The following CYP39A1 variants were observed in gnomAD, a reference collection of about 807,000 sequenced individuals.
The protein encoded by CYP39A1 is 24-hydroxycholesterol 7-alpha-hydroxylase.
In CYP39A1, 49 loss-of-function variants were observed where a neutral mutation model predicts 58.1. The observed-to-expected ratio is 0.84, with a 90% CI of 0.67 to 1.07. CYP39A1 has a LOEUF of 1.07. Ranked by LOEUF, CYP39A1 falls within the 50% of genes least tolerant of loss-of-function variation. The pLI is 0.00. For missense variants in CYP39A1, 531 were observed against 539.4 expected (o/e 0.98, Z 0.16); for synonymous variants, 209 against 187.6 (o/e 1.11, Z -0.93).
intron 8 of CYP39A1, among the ~76,000 whole-genome samples, chr6:46,591,823 AT>A (rs1772855325): frequency 1.3e-5 from 2 of 152,240 alleles, no homozygotes; most frequent in African/African-American, 4.8e-5. Flanking sequence ...CTTATCCTAC[AT>A]TAAATTATTA....
In CYP39A1 at chr6:46,608,624, T is replaced by A. The variant is rs565538823; in HGVS notation, c.932-12504A>T. ...TAGGTTTTATTTTATTTATTTATTT[T>A]TTTTTTTGAGACGGAGTCTCACTCT... On this transcript the variant is annotated intron_variant, in intron 7 of 11. Coordinates refer to ENST00000275016, the MANE Select transcript of CYP39A1 (RefSeq NM_016593.5). Among the ~76,000 whole-genome samples the A allele has an allele frequency of 1.2e-3, 189 of 152,246 alleles. 1 individual carries two copies. Among genetic ancestry groups the A allele is most frequent in the African/African-American group, 3.1e-3 (130 of 41,570 alleles).
At chr6:46,607,582 A>C (rs1773926523) in intron 7 of CYP39A1, among the ~76,000 whole-genome samples, 1 of 152,104 alleles carries the variant, frequency 6.6e-6, no homozygotes. Context: ...AATTTAACTA[A>C]TAACTTTGGG....
rs1278973233 is a variant in CYP39A1, at chr6:46,636,255, C to G, written c.732+134G>C. 9 of 594,102 alleles carry G rather than the reference C, an allele frequency of 1.5e-5. No individual in the cohort carries two copies. The Admixed American group carries it at 2.9e-4, about 19-fold the overall frequency. 36.8% of individuals were successfully genotyped at this position (594,102 alleles called of 1,614,324 possible). ...ATGATGTAACAGTGAAATAATGTAT[C>G]TCAACATGTCCAGTACAGTGGTTGA... On this transcript the variant is annotated intron_variant, in intron 5 of 11. Coordinates refer to ENST00000275016, the MANE Select transcript of CYP39A1 (RefSeq NM_016593.5).
rs1403761631 is a variant in CYP39A1 at position 46,642,411 on chromosome 6, AT to A, written c.178-114del. ...TATAGTCAAAAGAAAAATTATTATG[AT>A]TATATTTGGCAATTAGTTATAAATT... On this transcript the variant is annotated intron_variant, in intron 1 of 11. Coordinates refer to ENST00000275016, the MANE Select transcript of CYP39A1 (RefSeq NM_016593.5). 1.9e-4 allele frequency: 190 copies of A among 1,019,722 alleles called. 1 individual carries two copies. In the African/African-American group the frequency reaches 2.6e-3, roughly 14 times the overall value. The allele number at this position is 1,019,722 out of a possible 1,614,324, so 63.2% of individuals were successfully genotyped here.
intron 4 of CYP39A1, among the ~76,000 whole-genome samples, chr6:46,636,835 C>T (rs1031601347): frequency 1.3e-5 from 2 of 152,254 alleles, no homozygotes; most frequent in East Asian, 3.9e-4. Context: ...CTGACTTAAG[C>T]CGGGAAAAAC....
intron 10 of CYP39A1, among the ~76,000 whole-genome samples, chr6:46,564,503 C>A (rs1437566569): frequency 6.6e-6 from 1 of 151,722 alleles, no homozygotes; most frequent in Non-Finnish European, 1.5e-5. Flanking sequence ...GCTGAGGAGA[C>A]CTAGTTTTAA....
intron 6 of CYP39A1, among the ~76,000 whole-genome samples, chr6:46,628,531 T>G (rs1295212134): frequency 4.6e-5 from 7 of 152,204 alleles, no homozygotes; most frequent in Non-Finnish European, 8.8e-5. Flanking sequence ...ATAAAAATAA[T>G]TTCATAAATT....
intron 9 of CYP39A1, among the ~76,000 whole-genome samples, chr6:46,587,664 G>T (rs737011): frequency 4.7e-4 from 72 of 151,948 alleles, no homozygotes; most frequent in African/African-American, 1.7e-3. Flanking sequence ...AGCAGATCAC[G>T]GTTTTAATTT....
chr6:46,632,557 C>A (rs1362448179), intron 5 of CYP39A1, among the ~76,000 whole-genome samples: 37 of 151,770 alleles, frequency 2.4e-4, no homozygotes, highest in Admixed American at 2.4e-3. Flanking sequence ...TATTTCATCA[C>A]CCAGGTACTA....
chr6:46,576,174 C>T (rs960869417), intron 10 of CYP39A1, among the ~76,000 whole-genome samples: 1 of 152,080 alleles, frequency 6.6e-6, no homozygotes, highest in Admixed American at 6.5e-5. Context: ...ACAACTCAGT[C>T]AGTATTATGA....
intron 2 of CYP39A1, among the ~76,000 whole-genome samples, chr6:46,641,895 A>T (rs143762112): frequency 3.0e-4 from 46 of 152,364 alleles, no homozygotes; most frequent in African/African-American, 9.9e-4. Flanking sequence ...TACAGATTCC[A>T]AATATTCTCT....
At chr6:46,566,992 G>T (rs1167987349) in intron 10 of CYP39A1, among the ~76,000 whole-genome samples, 3 of 149,418 alleles carry the variant, frequency 2.0e-5, no homozygotes, top group African/African-American at 5.1e-5. Flanking sequence ...TGGGAGAAGT[G>T]GGGGGGTGAG....
chr6:46,599,602 A>T (rs1207845291), intron 7 of CYP39A1, among the ~76,000 whole-genome samples: 1 of 152,100 alleles, frequency 6.6e-6, no homozygotes, highest in Non-Finnish European at 1.5e-5. Context: ...CTTTCCCGCT[A>T]TCCAACTTCT....
chr6:46,591,682 T>C (rs2150517415), intron 8 of CYP39A1, among the ~76,000 whole-genome samples: 1 of 152,132 alleles, frequency 6.6e-6, no homozygotes, highest in Non-Finnish European at 1.5e-5. Context: ...TTCTGAAGAG[T>C]GTGATGGGAT....
intron 10 of CYP39A1, among the ~76,000 whole-genome samples, chr6:46,565,071 T>A (rs1771201680): frequency 6.6e-6 from 1 of 151,946 alleles, no homozygotes; most frequent in Non-Finnish European, 1.5e-5. Flanking sequence ...TAAAACAGAT[T>A]GCTGGGCCCC....
At position 46,553,952 on chromosome 6, in the gene CYP39A1, A is replaced by C. The variant is rs140306800; in HGVS notation, c.1251-98T>G. Reference sequence around the variant, plus strand: ...AAAGCATACATATTTCAGAGTAAACATGCTCTTCTTTACAATATACTCTTT... The same window carrying C: ...AAAGCATACATATTTCAGAGTAAACCTGCTCTTCTTTACAATATACTCTTT... On this transcript the variant is annotated intron_variant, in intron 10 of 11. Transcript: ENST00000275016. 170 of 777,366 alleles carry C rather than the reference A, an allele frequency of 2.2e-4. No homozygotes were observed. The African/African-American group carries it at 2.8e-3, about 13-fold the overall frequency. 48.2% of individuals were successfully genotyped at this position (777,366 alleles called of 1,614,324 possible). A position where few individuals can be genotyped will look rare whatever the true frequency, so the allele number is the denominator to read the frequency against.
chr6:46,620,746 A>C (rs1774907932), intron 7 of CYP39A1, among the ~76,000 whole-genome samples: 1 of 152,200 alleles, frequency 6.6e-6, no homozygotes, highest in African/African-American at 2.4e-5. Context: ...CAACATGCAC[A>C]CACAGTCCCT....
chr6:46,584,974 C>T (rs1222419654), intron 10 of CYP39A1, among the ~76,000 whole-genome samples: 3 of 152,260 alleles, frequency 2.0e-5, no homozygotes, highest in Admixed American at 1.3e-4. Flanking sequence ...ATGTCTTACT[C>T]ATGCTCAAAG....
chr6:46,647,554 C>A (rs577708896), intron 1 of CYP39A1, among the ~76,000 whole-genome samples: 19 of 152,272 alleles, frequency 1.2e-4, no homozygotes, highest in African/African-American at 4.6e-4. Flanking sequence ...CATTCTACAC[C>A]TGTTGGTGGG....
Sources: gnomAD v4.1 joint callset for allele counts (sites outside exome capture counted in the v4.1 genomes callset) on GRCh38, gnomAD v4.1.1 for gene constraint, MANE v1.5 for transcripts, NCBI Gene and HGNC (gene_info 2026-07-23, HGNC 2026-07-21) for gene names.